Variants in SHC1 observed in about 807,000 individuals in gnomAD.
The protein encoded by SHC1 is SHC adaptor protein 1, also known as SHC-transforming protein 1.
In SHC1, 30 loss-of-function variants were observed where a neutral mutation model predicts 55.9. The ratio of observed to expected loss-of-function variants is 0.54; its 90% confidence interval spans 0.40 to 0.73. The LOEUF (loss-of-function observed/expected upper bound fraction) is 0.73. SHC1 is among the 30% of genes least tolerant of loss of function. The probability of loss-of-function intolerance (pLI) is 0.00; values close to 1 mark genes in which losing one functional copy is unlikely to be tolerated. For synonymous variants in SHC1, 309 were observed against 306.1 expected (o/e 1.01, Z -0.10); for missense variants, 675 against 777.1 (o/e 0.87, Z 1.56).
At position 154,962,946 on chromosome 1, in the gene SHC1, G is replaced by A. The variant is rs1247511779; in HGVS notation, c.*857C>T. ...CCTGGGAGAGTTAACTGTACAAGAGGCCCAAATTCAGTCACCCCCACCCCG... is the reference window on the plus strand; with the variant it reads ...CCTGGGAGAGTTAACTGTACAAGAGACCCAAATTCAGTCACCCCCACCCCG... On this transcript the variant is annotated 3_prime_UTR_variant, in exon 12 of 12. Transcript: ENST00000448116. 1 of 152,686 alleles carries A rather than the reference G, an allele frequency of 6.5e-6. No homozygotes were observed. The highest frequency in any genetic ancestry group is 1.5e-5 in the Non-Finnish European group (1 of 68,084). 9.5% of individuals were successfully genotyped at this position (152,686 alleles called of 1,614,324 possible). A position where few individuals can be genotyped will look rare whatever the true frequency, so the allele number is the denominator to read the frequency against.
chr1:154,974,066 G>C (rs967992273), upstream of SHC1, among the ~76,000 whole-genome samples: 2 of 152,012 alleles, frequency 1.3e-5, no homozygotes, highest in African/African-American at 4.8e-5. Flanking sequence ...GGGTGGGGTC[G>C]GAGACAAAAA....
chr1:154,966,690 T>G (rs1009204343), intron 7 of SHC1, among the ~76,000 whole-genome samples, 173 bp from the exon 8 acceptor site: 1 of 152,228 alleles, frequency 6.6e-6, no homozygotes, highest in Non-Finnish European at 1.5e-5. Flanking sequence ...AGGTAGGTAT[T>G]GTTTCCTTCC....
chr1:154,963,928 G>A lies in SHC1; in HGVS notation c.1630C>T (p.Arg544Trp), dbSNP rs1221783605. The change falls in exon 12 of 12, where the codon CGG becomes TGG. Residue 544 changes from arginine (R) to tryptophan (W), a missense_variant. This residue lies in a region of SHC1 where 360 missense variants were observed against 371.1 expected (regional missense o/e 0.97). Transcript: ENST00000448116. ...LLLVDPEGVVRTKDHRFESVS... is the reference protein window; with the variant it reads ...LLLVDPEGVVWTKDHRFESVS... ...CTTTCAAAGCGGTGATCCTTAGTCC[G>A]AACCTGGGAGGGTGGGAAGGAAGAA... 4.3e-6 allele frequency: 7 copies of A among 1,614,042 alleles called. No homozygotes were observed. Among genetic ancestry groups the A allele is most frequent in the South Asian group, 1.1e-5 (1 of 91,074 alleles).
chr1:154,965,032 G>C (rs1444918733), intron 11 of SHC1, among the ~76,000 whole-genome samples: 1 of 152,016 alleles, frequency 6.6e-6, no homozygotes, highest in African/African-American at 2.4e-5. Flanking sequence ...GGCCAGGACT[G>C]TATTTGTTTT....
intron 1 of SHC1, 37 bp downstream of exon 1, chr1:154,969,995 G>T (rs1248464299): frequency 6.2e-7 from 1 of 1,609,652 alleles, no homozygotes; most frequent in South Asian, 1.1e-5. Context: ...AACTGGAGGG[G>T]GTCTGCGGGG....
chr1:154,963,906 T>G lies in SHC1; in HGVS notation c.1652A>C (p.Glu551Ala), dbSNP rs1435473945. The G allele has an allele frequency of 6.2e-7, 1 of 1,614,184 alleles. No homozygotes were observed. Among genetic ancestry groups the G allele is most frequent in the Admixed American group, 1.7e-5 (1 of 60,024 alleles). ...GVVRTKDHRFESVSHLISYHM... is the reference protein window; with the variant it reads ...GVVRTKDHRFASVSHLISYHM... ...GTAGCTGATAAGGTGACTGACACTT[T>G]CAAAGCGGTGATCCTTAGTCCGAAC... The change falls in exon 12 of 12, where the codon GAA (glutamate) becomes GCA (alanine). Residue 551 changes from glutamate (E) to alanine (A), a missense_variant. Around this residue, in one of 3 missense-constraint regions of SHC1, gnomAD observed 360 missense variants for 371.1 expected, o/e 0.97. Coordinates refer to ENST00000448116, the MANE Select transcript of SHC1 (RefSeq NM_001130040.2).
Position 154,968,547 on chromosome 1 carries a change from G to C in SHC1, c.698C>G (p.Thr233Ser). The C allele has an allele frequency of 6.2e-7, 1 of 1,614,144 alleles. No homozygotes were observed. Among genetic ancestry groups the C allele is most frequent in the Non-Finnish European group, 8.5e-7 (1 of 1,180,010 alleles). ...SNLKFAGMPI[T>S]LTVSTSSLNL... ...GAGGCTGCTGGTGGAGACGGTGAGA[G>C]TGATTGGCATTCCAGCAAATTTCAG... The change falls in exon 4 of 12, where the codon ACT becomes AGT. Residue 233 changes from threonine to serine, a missense_variant. Thr to Ser is a moderately conservative substitution (Grantham distance 58, BLOSUM62 1). Around this residue, in one of 3 missense-constraint regions of SHC1, gnomAD observed 159 missense variants for 246.9 expected, o/e 0.64. Transcript: ENST00000448116.
rs1248206017 is a variant in SHC1 at position 154,970,481 on chromosome 1, C to T, written c.46G>A (p.Glu16Lys). The T allele has an allele frequency of 1.2e-6, 2 of 1,612,002 alleles. No homozygotes were observed. The highest frequency in any genetic ancestry group is 2.7e-5 in the African/African-American group (2 of 74,898). The change falls in exon 1 of 12, where the codon GAG becomes AAG. Residue 16 changes from glutamate (E) to lysine (K), a missense_variant. Glu to Lys is a moderately conservative substitution (Grantham distance 56). This residue lies in a region of SHC1 where 156 missense variants were observed against 159.1 expected (regional missense o/e 0.98). Coordinates refer to ENST00000448116, the MANE Select transcript of SHC1 (RefSeq NM_001130040.2). This position sits in a 1 kb window ranked among gnomAD's most constrained non-coding sequence, Gnocchi z 5.5. Reference protein sequence around the residue: ...PKPKYNPLRNESLSSLEEGAS... With the variant: ...PKPKYNPLRNKSLSSLEEGAS... The stretch of plus-strand genomic sequence containing the variant: ...CCTTCCTCCAGCGATGACAGAGACT[C>T]ATTCCGGAGTGGATTGTACTTGGGC...
chr1:154,964,043 ATGG>A (rs1655609132), intron 11 of SHC1, 112 bp from the exon 12 acceptor site: 1 of 1,124,900 alleles, frequency 8.9e-7, no homozygotes, highest in African/African-American at 1.5e-5. Flanking sequence ...GGAGAAAAAA[ATGG>A]TGGGGGAGAG....
At chr1:154,969,885 G>C (rs1186047629) in intron 1 of SHC1, 147 bp downstream of exon 1, 3 of 912,554 alleles carry the variant, frequency 3.3e-6, no homozygotes, top group South Asian at 3.2e-5. Context: ...TACAGAATCG[G>C]GGAAGGGATG....
At chr1:154,964,188 C>G (rs1558049933) in intron 11 of SHC1, 2 of 582,112 alleles carry the variant, frequency 3.4e-6, no homozygotes, top group East Asian at 8.0e-5. Flanking sequence ...CTATATACCC[C>G]TTTCTTGACC....
intron 2 of SHC1, 183 bp from the exon 3 acceptor site, chr1:154,969,017 C>T: frequency 1.6e-6 from 1 of 632,960 alleles, no homozygotes. Context: ...CACTTCCTGG[C>T]TGATTGGGTT....
At position 154,966,419 on chromosome 1, in the gene SHC1, C is replaced by A. The variant is rs776204134; in HGVS notation, c.1082G>T (p.Gly361Val). ...NDFPGKEPPL[G>V]GVVDMRLREG... is the part of the protein sequence containing the mutation. ...CCGAAGCCTCATGTCTACCACCCCCCCCAAGGGGGGTTCCTTCCCCGGGAA... is the reference window on the plus strand; with the variant it reads ...CCGAAGCCTCATGTCTACCACCCCCACCAAGGGGGGTTCCTTCCCCGGGAA... Residue 361 changes from glycine (G) to valine (V), a missense_variant, in exon 8 of 12, where the codon GGG becomes GTG. Around this residue, in one of 3 missense-constraint regions of SHC1, gnomAD observed 360 missense variants for 371.1 expected, o/e 0.97. Coordinates refer to ENST00000448116, the MANE Select transcript of SHC1 (RefSeq NM_001130040.2). 14 of 1,613,814 alleles carry A rather than the reference C, an allele frequency of 8.7e-6. No individual in the cohort carries two copies. Among genetic ancestry groups the A allele is most frequent in the Middle Eastern group, 1.7e-4 (1 of 6,058 alleles).
chr1:154,972,339 A>G (rs986634504), upstream of SHC1, among the ~76,000 whole-genome samples: 6 of 152,182 alleles, frequency 3.9e-5, no homozygotes, highest in African/African-American at 1.4e-4. Flanking sequence ...AATTATCCTG[A>G]TTAACAACAT....
At chr1:154,974,101 G>GGAGCCCC, upstream of SHC1, 1 of 153,720 alleles carries the variant, frequency 6.5e-6, no homozygotes, top group South Asian at 1.8e-4. Flanking sequence ...GGGGTTCGGG[G>GGAGCCCC]GAGCCCCCTG....
At chr1:154,973,696 A>C (rs929494708), upstream of SHC1, among the ~76,000 whole-genome samples, 3 of 152,112 alleles carry the variant, frequency 2.0e-5, no homozygotes, top group African/African-American at 4.8e-5. Context: ...GTGGAGTTTC[A>C]GGGATTGACG....
Position 154,964,180 on chromosome 1 carries a change from A to C in SHC1, c.1627-249T>G, listed in dbSNP as rs953730632. 9.7e-6 allele frequency: 6 copies of C among 618,402 alleles called. No individual in the cohort carries two copies. In the African/African-American group the frequency reaches 1.1e-4, roughly 11 times the overall value. 38.3% of individuals were successfully genotyped at this position (618,402 alleles called of 1,614,324 possible). A position where few individuals can be genotyped will look rare whatever the true frequency, so the allele number is the denominator to read the frequency against. On this transcript the variant is annotated intron_variant, in intron 11 of 11. Transcript: ENST00000448116. ...CCCTGAAAGAGTGAAGCTGAGAGCT[A>C]TATACCCCTTTCTTGACCTGGAGGA... is the stretch of plus-strand genomic sequence containing the variant.
intron 7 of SHC1, among the ~76,000 whole-genome samples, chr1:154,967,391 G>A (rs1656137969): frequency 6.6e-6 from 1 of 152,078 alleles, no homozygotes. Context: ...AAGAAAGAGG[G>A]ATGGGAGTAG....
At chr1:154,967,937 C>G (rs1348167888) in intron 6 of SHC1, 43 bp downstream of exon 6, 14 of 1,612,044 alleles carry the variant, frequency 8.7e-6, no homozygotes, top group Non-Finnish European at 1.2e-5. Context: ...TACTCACCTC[C>G]TCAAACAGCC....
Sources: gnomAD v4.1 joint callset for allele counts (sites outside exome capture counted in the v4.1 genomes callset) on GRCh38, gnomAD v4.1.1 for gene constraint, gnomAD v4.1.1 regional missense constraint, Gnocchi (gnomAD v3.1) non-coding constraint, MANE v1.5 for transcripts, NCBI Gene and HGNC (gene_info 2026-07-23, HGNC 2026-07-21) for gene names.